The following BMP10 variants were observed in gnomAD, a reference collection of about 807,000 sequenced individuals.
BMP10 encodes bone morphogenetic protein 10.
BMP10 carries 9 observed loss-of-function variants against 29.9 expected under a neutral mutation model. The ratio of observed to expected loss-of-function variants is 0.30; its 90% CI spans 0.18 to 0.53. The LOEUF (loss-of-function observed/expected upper bound fraction) is 0.53. BMP10 is among the 20% of genes least tolerant of loss of function. The pLI is 0.96. For missense variants in BMP10, 474 were observed against 524.3 expected (o/e 0.90, Z 0.94); for synonymous variants, 202 against 200.2 (o/e 1.01, Z -0.07).
chr2:68,866,449 T>G lies in BMP10; in HGVS notation c.457A>C (p.Arg153=). ...ACTCCATCGTATATCATACGATCCC[T>G]TTGCACCAGTGTGTATAGCCTAAGT... ...AELRLYTLVQ[R]DRMIYDGVDR... is the part of the protein sequence containing the mutation. The change falls in exon 2 of 2, where the codon AGG becomes CGG. Residue 153 remains arginine, a synonymous_variant. Transcript: ENST00000295379. The G allele has an allele frequency of 5.0e-6, 8 of 1,614,014 alleles. No homozygotes were observed. The highest frequency in any genetic ancestry group is 6.8e-6 in the Non-Finnish European group (8 of 1,179,948).
At position 68,862,999 on chromosome 2, in the gene BMP10, C is replaced by T. The variant is rs547906086; in HGVS notation, c.*2632G>A. ...TAACAGAAGAGTGACTATAAGTGCT[C>T]GAGACAAGATTTCTCCAGAAGCCCG... On this transcript the variant is annotated 3_prime_UTR_variant, in exon 2 of 2. Transcript: ENST00000295379. 7.9e-5 allele frequency among the ~76,000 whole-genome samples: 12 copies of T among 152,218 alleles called. No individual in the cohort carries two copies. The South Asian group carries it at 2.1e-3, about 26-fold the overall frequency.
chr2:68,866,552 G>A lies in BMP10; in HGVS notation c.354C>T (p.Val118=). 6.2e-7 allele frequency: 1 copy of A among 1,609,208 alleles called. No homozygotes were observed. Among genetic ancestry groups the A allele is most frequent in the African/African-American group, 1.3e-5 (1 of 74,890 alleles). Residue 118 remains valine (V), a synonymous_variant, in exon 2 of 2, where the codon GTC becomes GTT. Transcript: ENST00000295379. ...GGTATTTTCGGAGCCCATTAAAACT[G>A]ACCGGCTGGGAAAACAGATCTGAAA... is the stretch of plus-strand genomic sequence containing the variant. ...FKNEDLFSQP[V]SFNGLRKYPL...
intron 1 of BMP10, among the ~76,000 whole-genome samples, chr2:68,868,765 G>C (rs1243374339): frequency 2.0e-5 from 3 of 152,222 alleles, no homozygotes; most frequent in Non-Finnish European, 4.4e-5. Context: ...AGAGCTCACT[G>C]TAGTGGGAGG....
rs1682845975 is a variant in BMP10 at position 68,861,080 on chromosome 2, A to G, written c.*4551T>C. On this transcript the variant is annotated 3_prime_UTR_variant, in exon 2 of 2. Transcript: ENST00000295379. ...AAAATAATTTTTTTATTTTACTTAA[A>G]AAGACTCTGAAGGTACACATTTGGT... is the stretch of plus-strand genomic sequence containing the variant. Among the ~76,000 whole-genome samples, 1 of 152,254 alleles carries G rather than the reference A, an allele frequency of 6.6e-6. No individual in the cohort carries two copies. Among genetic ancestry groups the G allele is most frequent in the African/African-American group, 2.4e-5 (1 of 41,470 alleles).
chr2:68,868,555 A>G (rs1683011153), intron 1 of BMP10, among the ~76,000 whole-genome samples: 1 of 152,212 alleles, frequency 6.6e-6, no homozygotes, highest in South Asian at 2.1e-4. Flanking sequence ...TGCTTTAAAA[A>G]TATTGATTAG....
chr2:68,866,521 G>C lies in BMP10; in HGVS notation c.385C>G (p.Leu129Val). Reference sequence around the variant, plus strand: ...TGGTGAGGAATGGACACATTGAAGAGGAGGGGGTATTTTCGGAGCCCATTA... The same window carrying C: ...TGGTGAGGAATGGACACATTGAAGACGAGGGGGTATTTTCGGAGCCCATTA... ...SFNGLRKYPLLFNVSIPHHEE... is the reference protein window; with the variant it reads ...SFNGLRKYPLVFNVSIPHHEE... Residue 129 changes from leucine (L) to valine (V), a missense_variant, in exon 2 of 2, where the codon CTC becomes GTC. This residue lies in a region of BMP10 where 408 missense variants were observed against 415.3 expected (regional missense o/e 0.98). Transcript: ENST00000295379. 2 of 1,613,886 alleles carry C rather than the reference G, an allele frequency of 1.2e-6. No individual in the cohort carries two copies. Among genetic ancestry groups the C allele is most frequent in the African/African-American group, 1.3e-5 (1 of 75,022 alleles).
In BMP10 at chr2:68,863,795, A is replaced by T. The variant is rs1682903821; in HGVS notation, c.*1836T>A. ...TGCAGTTTGAGTTTATAACCTTAAG[A>T]GATTTGTAAAAGGGGACTGATTGTT... On this transcript the variant is annotated 3_prime_UTR_variant, in exon 2 of 2. Transcript: ENST00000295379. Among the ~76,000 whole-genome samples the T allele has an allele frequency of 6.6e-6, 1 of 152,158 alleles. No individual in the cohort carries two copies. Among genetic ancestry groups the T allele is most frequent in the Admixed American group, 6.5e-5 (1 of 15,278 alleles).
At position 68,865,790 on chromosome 2, in the gene BMP10, G is replaced by T. The variant is rs1334825913; in HGVS notation, c.1116C>A (p.Ile372=). The change falls in exon 2 of 2, where the codon ATC becomes ATA. Residue 372 remains isoleucine (I), a synonymous_variant. Coordinates refer to ENST00000295379, the MANE Select transcript of BMP10 (RefSeq NM_014482.3). The surrounding 1 kb of genome is among the most constrained non-coding windows in gnomAD (Gnocchi z 4.7). The stretch of plus-strand genomic sequence containing the variant: ...AATTCTTGAGGTGGACCAAGGCCTG[G>T]ATAATTGCATGCTTTGTGGGTGTGA... ...EHLTPTKHAI[I]QALVHLKNSQ... 1.2e-6 allele frequency: 2 copies of T among 1,614,082 alleles called. No individual in the cohort carries two copies. Among genetic ancestry groups the T allele is most frequent in the Non-Finnish European group, 1.7e-6 (2 of 1,179,994 alleles).
chr2:68,868,896 A>T (rs1223083083), intron 1 of BMP10, among the ~76,000 whole-genome samples: 38 of 152,220 alleles, frequency 2.5e-4, no homozygotes, highest in Admixed American at 2.2e-3. Flanking sequence ...ATACACTTTA[A>T]ATATGTGCGA....
intron 1 of BMP10, among the ~76,000 whole-genome samples, chr2:68,868,735 C>T (rs561703067): frequency 8.5e-5 from 13 of 152,190 alleles, no homozygotes; most frequent in Middle Eastern, 3.4e-3. Flanking sequence ...TTGCTCTACC[C>T]AGGAGAAAAG....
chr2:68,869,541 T>C (rs1446981947), intron 1 of BMP10, among the ~76,000 whole-genome samples: 1 of 152,174 alleles, frequency 6.6e-6, no homozygotes, highest in Non-Finnish European at 1.5e-5. Context: ...AGATACTCTA[T>C]GAGAGAAGTG....
chr2:68,867,302 G>A (rs1439077124), intron 1 of BMP10, among the ~76,000 whole-genome samples: 1 of 152,188 alleles, frequency 6.6e-6, no homozygotes, highest in Non-Finnish European at 1.5e-5. Context: ...GAAACTTGCT[G>A]ACTTCTGTTC....
intron 1 of BMP10, among the ~76,000 whole-genome samples, chr2:68,869,002 G>T (rs1683020816): frequency 6.6e-6 from 1 of 152,208 alleles, no homozygotes. Context: ...TCACTGTGAA[G>T]TTCTGTGCAT....
chr2:68,868,691 C>T (rs967972039), intron 1 of BMP10, among the ~76,000 whole-genome samples: 3 of 152,162 alleles, frequency 2.0e-5, no homozygotes, highest in East Asian at 1.9e-4. Flanking sequence ...AGACTTGACT[C>T]CCCATGGACA....
At position 68,863,150 on chromosome 2, in the gene BMP10, G is replaced by A. The variant is rs960087864; in HGVS notation, c.*2481C>T. Among the ~76,000 whole-genome samples the A allele has an allele frequency of 6.6e-6, 1 of 152,210 alleles. No homozygotes were observed. On this transcript the variant is annotated 3_prime_UTR_variant, in exon 2 of 2. Coordinates refer to ENST00000295379, the MANE Select transcript of BMP10 (RefSeq NM_014482.3). Reference sequence around the variant, plus strand: ...AAATGTCAGCGGTGTGCCAGCACCAGTGCACAGCTCCCAAGAGCTGACTTA... The same window carrying A: ...AAATGTCAGCGGTGTGCCAGCACCAATGCACAGCTCCCAAGAGCTGACTTA...
rs1441785155 is a variant in BMP10 at position 68,861,033 on chromosome 2, T to C, written c.*4598A>G. Among the ~76,000 whole-genome samples the C allele has an allele frequency of 6.6e-6, 1 of 152,108 alleles. No homozygotes were observed. Among genetic ancestry groups the C allele is most frequent in the Non-Finnish European group, 1.5e-5 (1 of 68,016 alleles). ...TTAAATACCTTACCTCAAGGAAAAA[T>C]AAGCTGCAAATAATTATCACCAAAA... On this transcript the variant is annotated 3_prime_UTR_variant, in exon 2 of 2. Coordinates refer to ENST00000295379, the MANE Select transcript of BMP10 (RefSeq NM_014482.3).
intron 1 of BMP10, 116 bp from the exon 2 acceptor site, chr2:68,866,687 A>G (rs934927764): frequency 5.1e-6 from 4 of 777,826 alleles, no homozygotes; most frequent in Non-Finnish European, 8.1e-6. Context: ...GAAAGAATGA[A>G]GGGAGAAAAT....
At chr2:68,868,418 C>T (rs183696227) in intron 1 of BMP10, among the ~76,000 whole-genome samples, 4 of 152,260 alleles carry the variant, frequency 2.6e-5, no homozygotes, top group Admixed American at 6.5e-5. Flanking sequence ...TTGTCATTTA[C>T]GTCCTTATAT....
intron 1 of BMP10, among the ~76,000 whole-genome samples, chr2:68,868,179 A>G (rs994433439): frequency 2.0e-5 from 3 of 152,172 alleles, no homozygotes; most frequent in African/African-American, 7.2e-5. Context: ...GGATTTGTAA[A>G]CCCTTCTGTT....
Sources: allele counts gnomAD v4.1 joint callset (sites outside exome capture counted in the v4.1 genomes callset), GRCh38; gene constraint gnomAD v4.1.1; regional missense constraint gnomAD v4.1.1; non-coding constraint Gnocchi (gnomAD v3.1); transcripts MANE v1.5; gene names NCBI Gene and HGNC (gene_info 2026-07-23, HGNC 2026-07-21).